NCAPD3: variants seen among roughly 807,000 people sequenced by gnomAD.
NCAPD3 encodes condensin-2 complex subunit D3.
NCAPD3 carries 105 observed loss-of-function variants against 182.9 expected under a neutral mutation model. The observed-to-expected ratio is 0.57, with a 90% CI of 0.49 to 0.68. The LOEUF (loss-of-function observed/expected upper bound fraction) is 0.68, where lower values mean the gene tolerates loss of function less well. NCAPD3 is among the 30% of genes least tolerant of loss of function. The probability of loss-of-function intolerance (pLI) is 0.00; values close to 1 mark genes in which losing one functional copy is unlikely to be tolerated. For missense variants in NCAPD3, 1,944 were observed against 1,837.0 expected, an observed-to-expected ratio of 1.06 and a Z score of -1.07; for synonymous variants, 815 against 679.9, an observed-to-expected ratio of 1.20 and a Z score of -3.09.
Position 134,153,220 on chromosome 11 carries a change from ACACATTCAG to A in NCAPD3, c.4328-29_4328-21del. 1 of 1,613,964 alleles carries A rather than the reference ACACATTCAG, an allele frequency of 6.2e-7. No individual in the cohort carries two copies. Among genetic ancestry groups the A allele is most frequent in the Non-Finnish European group, 8.5e-7 (1 of 1,179,836 alleles). On this transcript the variant is annotated intron_variant, in intron 33 of 34. Transcript: ENST00000534548. ...TTTTCTCTAAAAGGGAGTCAAACAA[ACACATTCAG>A]CTTTCCCAGAACCTCAAAGGCAGTG...
At chr11:134,202,522 G>A (rs1944769998) in intron 13 of NCAPD3, among the ~76,000 whole-genome samples, 1 of 151,950 alleles carries the variant, frequency 6.6e-6, no homozygotes, top group South Asian at 2.1e-4. Context: ...GGACCACAGG[G>A]GCACACCACC....
intron 2 of NCAPD3, among the ~76,000 whole-genome samples, chr11:134,219,862 T>A (rs1938162704): frequency 6.6e-6 from 1 of 152,146 alleles, no homozygotes; most frequent in Admixed American, 6.5e-5. Flanking sequence ...AGTGGCGTGA[T>A]CTCGGCTCAC....
At chr11:134,206,799 G>A (rs1591858117) in intron 7 of NCAPD3, 67 bp from the exon 8 acceptor site, 3 of 1,503,866 alleles carry the variant, frequency 2.0e-6, no homozygotes, top group East Asian at 4.6e-5. Flanking sequence ...ACATAGTGAT[G>A]CAGACTGTAG....
rs199820759 is a variant in NCAPD3 at position 134,192,779 on chromosome 11, C to T, written c.1955G>A (p.Arg652Gln). The T allele has an allele frequency of 1.4e-5, 23 of 1,614,186 alleles. No homozygotes were observed. Among genetic ancestry groups the T allele is most frequent in the Middle Eastern group, 1.6e-4 (1 of 6,062 alleles). Residue 652 changes from arginine to glutamine, a missense_variant, in exon 16 of 35, where the codon CGG becomes CAG. Around this residue, in one of 3 missense-constraint regions of NCAPD3, gnomAD observed 1,803 missense variants for 1,674.6 expected, o/e 1.08. Coordinates refer to ENST00000534548, the MANE Select transcript of NCAPD3 (RefSeq NM_015261.3). ...CCCAGAGTGAAAATGACTGTGATGC[C>T]GGATGTTCTGCAGCAGCAGCTGGTC... ...FLDQLLLQNI[R>Q]HHSHFHSGDD... is the part of the protein sequence containing the mutation.
chr11:134,165,223 G>T (rs574744622), intron 27 of NCAPD3, among the ~76,000 whole-genome samples: 1 of 150,244 alleles, frequency 6.7e-6, no homozygotes, highest in Non-Finnish European at 1.5e-5. Flanking sequence ...TGTGAGATGA[G>T]CTTAGGGGAG....
At chr11:134,170,092 A>G (rs1322664786) in intron 24 of NCAPD3, among the ~76,000 whole-genome samples, 3 of 152,242 alleles carry the variant, frequency 2.0e-5, no homozygotes, top group East Asian at 1.9e-4. Flanking sequence ...CACAGCACAC[A>G]TATCAATTAA....
At position 134,194,165 on chromosome 11, in the gene NCAPD3, C is replaced by T. The variant is rs370984785; in HGVS notation, c.1690-15G>A. On this transcript the variant is annotated splice_polypyrimidine_tract_variant and intron_variant, in intron 14 of 34. Coordinates refer to ENST00000534548, the MANE Select transcript of NCAPD3 (RefSeq NM_015261.3). ...CTCACTAATACCTAGAAGGCATAGA[C>T]GCAACATGAACTGTTAACTGCATAG... The T allele has an allele frequency of 8.7e-5, 140 of 1,612,140 alleles. No homozygotes were observed. Among genetic ancestry groups the T allele is most frequent in the Non-Finnish European group, 9.4e-5 (111 of 1,178,980 alleles).
chr11:134,220,766 C>A (rs1938199935), intron 1 of NCAPD3, 40 bp from the exon 2 acceptor site: 1 of 1,565,812 alleles, frequency 6.4e-7, no homozygotes, highest in South Asian at 1.2e-5. Flanking sequence ...TACTCTGTAA[C>A]AAGTAAAAAA....
intron 15 of NCAPD3, 121 bp from the exon 16 acceptor site, chr11:134,193,030 AAAG>A: frequency 1.6e-6 from 1 of 612,738 alleles, no homozygotes; most frequent in Non-Finnish European, 2.8e-6. Flanking sequence ...TAGAGTGAAA[AAAG>A]AAAAAAATTC....
chr11:134,161,078 T>C (rs1943564357), intron 28 of NCAPD3, among the ~76,000 whole-genome samples: 1 of 152,124 alleles, frequency 6.6e-6, no homozygotes, highest in Non-Finnish European at 1.5e-5. Flanking sequence ...TATTTGAAAA[T>C]TTATATTCAA....
chr11:134,209,673 T>C (rs908767791), intron 4 of NCAPD3, 196 bp from the exon 5 acceptor site: 1 of 514,168 alleles, frequency 1.9e-6, no homozygotes, highest in Non-Finnish European at 3.4e-6. Flanking sequence ...AGATGACCGC[T>C]ACAGTAGTTT....
rs1565528133 is a variant in NCAPD3, at chr11:134,168,515, A to G, written c.3327T>C (p.Asp1109=). 1.2e-6 allele frequency: 2 copies of G among 1,614,210 alleles called. No individual in the cohort carries two copies. The highest frequency in any genetic ancestry group is 8.5e-7 in the Non-Finnish European group (1 of 1,180,034). ...TGGAAGTGATGTTGAATCGCTGTTC[A>G]TCTGTGAAGTGCTCTAGAAGAAATT... ...IYKFLLEHFT[D]EQRFNITSKI... is the part of the protein sequence containing the mutation. The change falls in exon 26 of 35, where the codon GAT becomes GAC. Residue 1109 remains aspartate, a synonymous_variant. Coordinates refer to ENST00000534548, the MANE Select transcript of NCAPD3 (RefSeq NM_015261.3).
At chr11:134,198,346 C>T (rs1944679830) in intron 13 of NCAPD3, among the ~76,000 whole-genome samples, 1 of 151,640 alleles carries the variant, frequency 6.6e-6, no homozygotes, top group Non-Finnish European at 1.5e-5. Context: ...CAATTTTCAA[C>T]AAGAAAAATT....
At chr11:134,176,874 A>G (rs1473830393) in intron 23 of NCAPD3, among the ~76,000 whole-genome samples, 1 of 152,206 alleles carries the variant, frequency 6.6e-6, no homozygotes, top group African/African-American at 2.4e-5. Flanking sequence ...GGAAGAAGTT[A>G]CCTCTCAGAA....
At chr11:134,219,664 T>C (rs1246460626) in intron 2 of NCAPD3, among the ~76,000 whole-genome samples, 1 of 151,980 alleles carries the variant, frequency 6.6e-6, no homozygotes, top group Non-Finnish European at 1.5e-5. Context: ...AACCCTTTGG[T>C]TTTTTTTGAA....
intron 13 of NCAPD3, among the ~76,000 whole-genome samples, chr11:134,198,250 G>T (rs1424300552): frequency 6.6e-6 from 1 of 152,134 alleles, no homozygotes; most frequent in African/African-American, 2.4e-5. Context: ...GGCTTCCTCT[G>T]CAGTAATGAA....
At chr11:134,168,687 G>C (rs747864056) in intron 25 of NCAPD3, 85 bp from the exon 26 acceptor site, 12 of 1,564,410 alleles carry the variant, frequency 7.7e-6, no homozygotes, top group Non-Finnish European at 9.6e-6. Flanking sequence ...CATCCTAAAA[G>C]CTGCATGCCA....
At chr11:134,180,333 C>T (rs1944268877) in intron 20 of NCAPD3, among the ~76,000 whole-genome samples, 1 of 152,058 alleles carries the variant, frequency 6.6e-6, no homozygotes, top group South Asian at 2.1e-4. Flanking sequence ...AGACGTGCTC[C>T]ACTAATTTAA....
chr11:134,200,689 A>G (rs78590653), intron 13 of NCAPD3, among the ~76,000 whole-genome samples: 5,492 of 152,320 alleles, frequency 0.036, 342 homozygotes, highest in African/African-American at 0.12. Context: ...TGTTGAATAT[A>G]GAGTTACCAT....
Sources: allele counts gnomAD v4.1 joint callset (sites outside exome capture counted in the v4.1 genomes callset), GRCh38; gene constraint gnomAD v4.1.1; regional missense constraint gnomAD v4.1.1; transcripts MANE v1.5; gene names NCBI Gene and HGNC (gene_info 2026-07-23, HGNC 2026-07-21).